Variants in NCOR2 observed in about 807,000 individuals in gnomAD.
The protein encoded by NCOR2 is nuclear receptor corepressor 2.
A neutral mutation model predicts 262.9 loss-of-function variants in NCOR2; 81 were observed. The observed-to-expected ratio is 0.31, with a 90% CI of 0.26 to 0.37. The LOEUF is 0.37. Ranked by LOEUF, NCOR2 falls within the 10% of genes least tolerant of loss-of-function variation. NCOR2 has a pLI of 1.00. For missense variants in NCOR2, 3,385 were observed against 3,621.4 expected, an observed-to-expected ratio of 0.93 and a Z score of 1.68; for synonymous variants, 1,659 against 1,559.3, an observed-to-expected ratio of 1.06 and a Z score of -1.51.
At chr12:124,343,387 T>A (rs2036619076) in intron 32 of NCOR2, among the ~76,000 whole-genome samples, 161 bp from the exon 35 acceptor site, 2 of 152,198 alleles carry the variant, frequency 1.3e-5, no homozygotes, top group Non-Finnish European at 2.9e-5. Flanking sequence ...CTCATTTGCT[T>A]TTGTGTTATA....
intron 18 of NCOR2, among the ~76,000 whole-genome samples, chr12:124,376,253 G>C (rs902821671): frequency 6.6e-6 from 1 of 152,140 alleles, no homozygotes; most frequent in African/African-American, 2.4e-5. Flanking sequence ...CCACCCAGCA[G>C]AGCATGCCCC....
chr12:124,427,182 G>A (rs934863006), intron 10 of NCOR2, among the ~76,000 whole-genome samples: 33 of 152,262 alleles, frequency 2.2e-4, no homozygotes, highest in African/African-American at 6.5e-4. Flanking sequence ...TCCAGGTTCC[G>A]CAGGCAAGAG....
chr12:124,458,328 G>C (rs2045987545), intron 5 of NCOR2, among the ~76,000 whole-genome samples: 1 of 152,214 alleles, frequency 6.6e-6, no homozygotes, highest in East Asian at 1.9e-4. Context: ...AGAGAGGAGG[G>C]CGTGGCAGGC....
intron 6 of NCOR2, among the ~76,000 whole-genome samples, chr12:124,452,680 C>T (rs561608195): frequency 2.0e-5 from 3 of 152,340 alleles, no homozygotes; most frequent in African/African-American, 4.8e-5. Flanking sequence ...AGTGCTTCTG[C>T]GGCACAGGGC....
chr12:124,495,183 G>T lies in NCOR2; in HGVS notation c.69C>A (p.Ser23Arg). The T allele has an allele frequency of 1.9e-6, 3 of 1,614,004 alleles. No homozygotes were observed. Among genetic ancestry groups the T allele is most frequent in the Non-Finnish European group, 2.5e-6 (3 of 1,179,968 alleles). ...GGGCGATCTGCACTGGGTAGGAAAG[G>T]CTGTGGGGCGGGTAGCGGGGCTCAG... The change falls in exon 1 of 47, where the codon AGC becomes AGA. Residue 23 changes from serine to arginine, a missense_variant. Physicochemically the swap from Ser to Arg is moderately radical, Grantham distance 110. Around this residue, in one of 5 missense-constraint regions of NCOR2, gnomAD observed 237 missense variants for 229.4 expected, o/e 1.03. Coordinates refer to ENST00000405201, the Ensembl canonical transcript of NCOR2. This position sits in a 1 kb window ranked among gnomAD's most constrained non-coding sequence, Gnocchi z 4.4.
chr12:124,332,298 G>A (rs201147826), intron 43 of NCOR2, 21 bp downstream of exon 45: 16 of 1,613,298 alleles, frequency 9.9e-6, no homozygotes, highest in African/African-American at 4.0e-5. Context: ...ATGCTTCCCC[G>A]GGAGCCTGCA....
At chr12:124,478,696 A>T (rs1427555107) in intron 3 of NCOR2, among the ~76,000 whole-genome samples, 1 of 152,072 alleles carries the variant, frequency 6.6e-6, no homozygotes. Context: ...CTTGTGGTCC[A>T]AGCAGAGAGG....
chr12:124,398,426 G>A (rs976589183), intron 15 of NCOR2, among the ~76,000 whole-genome samples: 2 of 152,228 alleles, frequency 1.3e-5, no homozygotes, highest in Non-Finnish European at 2.9e-5. Flanking sequence ...ACGTGCCGTT[G>A]GTCGGGGCCA....
intron 10 of NCOR2, among the ~76,000 whole-genome samples, chr12:124,429,040 A>C (rs2043759138): frequency 6.6e-6 from 1 of 152,096 alleles, no homozygotes; most frequent in South Asian, 2.1e-4. Context: ...ACCTAGGCTG[A>C]CCCCAGGGTG....
intron 1 of NCOR2, among the ~76,000 whole-genome samples, chr12:124,521,423 G>A (rs531421219): frequency 6.6e-6 from 1 of 152,342 alleles, no homozygotes; most frequent in Admixed American, 6.5e-5. Context: ...CCACACAATG[G>A]AATTCCGCCA....
At chr12:124,395,220 T>C (rs2041571538) in intron 16 of NCOR2, among the ~76,000 whole-genome samples, 1 of 152,142 alleles carries the variant, frequency 6.6e-6, no homozygotes, top group Non-Finnish European at 1.5e-5. Context: ...CTCCAGTCCC[T>C]TTTCCTAACT....
At chr12:124,426,583 G>C (rs73225425) in intron 11 of NCOR2, 39 bp downstream of exon 13, 93,525 of 1,526,066 alleles carry the variant, frequency 0.061, 3,420 homozygotes, top group African/African-American at 0.14. Context: ...GGATGGGGGT[G>C]GGGGGCCGGG....
rs12423712 is a variant in NCOR2, at chr12:124,549,387, G to A, written c.-164-13776C>T. ...AGATAAGCCGCCTGCTCAGGTTCAC[G>A]TTCGGGATCAAATGAACCCACTTAA... On this transcript the variant is annotated intron_variant, in intron 1 of 32. Transcript: ENST00000458234. This position sits in a 1 kb window ranked among gnomAD's most constrained non-coding sequence, Gnocchi z 4.4. Among the ~76,000 whole-genome samples, 11,888 of 152,200 alleles carry A rather than the reference G, an allele frequency of 0.078. 512 individuals are homozygous for A. The highest frequency in any genetic ancestry group is 0.11 in the African/African-American group (4,384 of 41,520).
At chr12:124,354,772 G>A (rs536381254) in intron 25 of NCOR2, 65 bp downstream of exon 27, 77 of 1,475,702 alleles carry the variant, frequency 5.2e-5, no homozygotes, top group African/African-American at 2.4e-4. Flanking sequence ...TTCCTCCCCC[G>A]CCCCACCCAC....
chr12:124,499,915 G>A (rs1421486790), upstream of NCOR2, among the ~76,000 whole-genome samples: 12 of 152,118 alleles, frequency 7.9e-5, no homozygotes, highest in African/African-American at 2.2e-4. Context: ...GGGCAACAGC[G>A]ACAGAGAAGG....
At chr12:124,426,930 AAGG>A (rs1308590229) in intron 10 of NCOR2, 130 bp from the exon 13 acceptor site, 3 of 754,546 alleles carry the variant, frequency 4.0e-6, no homozygotes, top group Non-Finnish European at 6.2e-6. Context: ...AACCAAGGAG[AAGG>A]AGAATGATGA....
intron 7 of NCOR2, among the ~76,000 whole-genome samples, chr12:124,442,441 T>G (rs536994456): frequency 2.0e-4 from 30 of 152,344 alleles, no homozygotes; most frequent in African/African-American, 5.8e-4. Flanking sequence ...TGGCAGGCCC[T>G]AGTTGTGGTA....
chr12:124,340,178 C>CGCTGCTGCA (rs752224314), exon 37 of NCOR2: 1 of 1,606,708 alleles, frequency 6.2e-7, no homozygotes, highest in Non-Finnish European at 8.5e-7. Flanking sequence ...CCACCCCCGC[C>CGCTGCTGCA]GCTGCTGCCG....
intron 1 of NCOR2, among the ~76,000 whole-genome samples, chr12:124,546,529 C>A (rs1195873821): frequency 6.6e-6 from 1 of 152,118 alleles, no homozygotes; most frequent in Non-Finnish European, 1.5e-5. Flanking sequence ...ATTATCCTGC[C>A]TCAGCCTCCT....
Sources: allele counts gnomAD v4.1 joint callset (sites outside exome capture counted in the v4.1 genomes callset), GRCh38; gene constraint gnomAD v4.1.1; regional missense constraint gnomAD v4.1.1; non-coding constraint Gnocchi (gnomAD v3.1); transcripts MANE v1.5; gene names NCBI Gene and HGNC (gene_info 2026-07-23, HGNC 2026-07-21).